SH2D4A: variants seen among roughly 807,000 people sequenced by gnomAD.
The protein encoded by SH2D4A is SH2 domain containing 4A.
In SH2D4A, 70 loss-of-function variants were observed where a neutral mutation model predicts 64.7. That is an observed-to-expected ratio of 1.08 (90% CI 0.89 to 1.32). SH2D4A has a LOEUF of 1.32. SH2D4A is among the 40% of genes most tolerant of loss of function. SH2D4A has a pLI of 0.00. For missense variants in SH2D4A, 706 were observed against 540.1 expected, an observed-to-expected ratio of 1.31 and a Z score of -3.04; for synonymous variants, 268 against 200.7, an observed-to-expected ratio of 1.34 and a Z score of -2.83.
At chr8:19,353,246 C>A (rs1335210321) in intron 4 of SH2D4A, among the ~76,000 whole-genome samples, 1 of 151,982 alleles carries the variant, frequency 6.6e-6, no homozygotes, top group Non-Finnish European at 1.5e-5. Flanking sequence ...GACATGGTAC[C>A]CTCTTTGAAA....
At chr8:19,357,456 G>A (rs1043043016) in intron 5 of SH2D4A, among the ~76,000 whole-genome samples, 173 bp downstream of exon 5, 3 of 152,150 alleles carry the variant, frequency 2.0e-5, no homozygotes, top group Admixed American at 6.5e-5. Context: ...TCTGGAGTTC[G>A]GGAAGTGTTG....
chr8:19,336,339 T>C (rs758059955), intron 4 of SH2D4A, among the ~76,000 whole-genome samples: 14 of 152,226 alleles, frequency 9.2e-5, no homozygotes, highest in Non-Finnish European at 1.8e-4. Context: ...GCTACAAATA[T>C]GAGGCTCAAA....
At chr8:19,354,552 T>C (rs2052759154) in intron 4 of SH2D4A, among the ~76,000 whole-genome samples, 1 of 152,138 alleles carries the variant, frequency 6.6e-6, no homozygotes, top group Admixed American at 6.5e-5. Context: ...ATCTGACACA[T>C]GCAAAGGCAG....
chr8:19,334,884 C>A, intron 4 of SH2D4A, 27 bp downstream of exon 4: 1 of 1,565,572 alleles, frequency 6.4e-7, no homozygotes, highest in Admixed American at 2.0e-5. Flanking sequence ...TGTAGACGTG[C>A]GGAATTTCAT....
intron 7 of SH2D4A, among the ~76,000 whole-genome samples, chr8:19,367,161 A>T (rs1054062653): frequency 1.3e-5 from 2 of 152,176 alleles, no homozygotes; most frequent in Admixed American, 6.5e-5. Flanking sequence ...ATTGTTGGAC[A>T]ACTAGGTTGA....
intron 7 of SH2D4A, among the ~76,000 whole-genome samples, chr8:19,364,595 C>T (rs1441228844): frequency 6.6e-6 from 1 of 151,984 alleles, no homozygotes; most frequent in Non-Finnish European, 1.5e-5. Flanking sequence ...GCCCCCCTCC[C>T]CCCCAGAGGC....
At chr8:19,359,740 CT>C (rs2052849693) in intron 5 of SH2D4A, among the ~76,000 whole-genome samples, 1 of 145,120 alleles carries the variant, frequency 6.9e-6, no homozygotes, top group African/African-American at 2.9e-5. Context: ...TTAGTTACAT[CT>C]GCAGTGAAGC....
chr8:19,344,290 C>A (rs534075298), intron 4 of SH2D4A, among the ~76,000 whole-genome samples: 82 of 152,222 alleles, frequency 5.4e-4, no homozygotes, highest in Admixed American at 1.5e-3. Flanking sequence ...GAAGAATCCG[C>A]TTACAGGTAT....
intron 8 of SH2D4A, among the ~76,000 whole-genome samples, chr8:19,387,831 G>T (rs12335343): frequency 0.15 from 23,371 of 152,160 alleles, 2,141 homozygotes; most frequent in African/African-American, 0.25. Flanking sequence ...TAATTTGTTG[G>T]TAATATTTGT....
chr8:19,367,084 A>T (rs950298316), intron 7 of SH2D4A, among the ~76,000 whole-genome samples: 2 of 150,038 alleles, frequency 1.3e-5, no homozygotes, highest in African/African-American at 2.5e-5. Flanking sequence ...AAATGACAGG[A>T]TATTATACTT....
chr8:19,389,745 T>C (rs897778970), intron 8 of SH2D4A, among the ~76,000 whole-genome samples: 5 of 152,018 alleles, frequency 3.3e-5, no homozygotes, highest in South Asian at 2.1e-4. Flanking sequence ...CGAAACCCCA[T>C]CTCTATGAAA....
Position 19,357,222 on chromosome 8 carries a change from G to C in SH2D4A, c.533G>C (p.Arg178Thr), listed in dbSNP as rs749642107. ...EKIRSLSSSSRNIQQMLADSI... is the reference protein window; with the variant it reads ...EKIRSLSSSSTNIQQMLADSI... ...TTTTAGTCACTCTCCAGTTCTTCAAGAAATATTCAACAAATGTTGGCAGAT... is the reference window on the plus strand; with the variant it reads ...TTTTAGTCACTCTCCAGTTCTTCAACAAATATTCAACAAATGTTGGCAGAT... The change falls in exon 5 of 10, where the codon AGA becomes ACA. Residue 178 changes from arginine to threonine, a missense_variant. Arg to Thr is a moderately conservative substitution (Grantham distance 71). Coordinates refer to ENST00000265807, the MANE Select transcript of SH2D4A (RefSeq NM_022071.4). 3 of 1,613,892 alleles carry C rather than the reference G, an allele frequency of 1.9e-6. No individual in the cohort carries two copies. The highest frequency in any genetic ancestry group is 1.7e-6 in the Non-Finnish European group (2 of 1,179,764).
chr8:19,313,821 C>A lies in SH2D4A; in HGVS notation c.-207C>A. The A allele has an allele frequency of 1.3e-6, 2 of 1,499,414 alleles. No homozygotes were observed. Among genetic ancestry groups the A allele is most frequent in the South Asian group, 2.5e-5 (2 of 81,030 alleles). 92.9% of individuals were successfully genotyped at this position (1,499,414 alleles called of 1,614,324 possible). A position where few individuals can be genotyped will look rare whatever the true frequency, so the allele number is the denominator to read the frequency against. ...CCACCCTGCCCAGGGGCGCCCAGCA[C>A]TGGTAGGTGCTGGGGGTGGGGCGAG... On this transcript the variant is annotated splice_region_variant and 5_prime_UTR_variant, in exon 1 of 10. It adds an upstream start codon to the 5' untranslated region. Coordinates refer to ENST00000265807, the MANE Select transcript of SH2D4A (RefSeq NM_022071.4).
intron 4 of SH2D4A, among the ~76,000 whole-genome samples, chr8:19,335,784 T>C (rs569447269): frequency 5.3e-5 from 8 of 152,204 alleles, no homozygotes; most frequent in Non-Finnish European, 1.0e-4. Flanking sequence ...TACTCAGAAT[T>C]GGTATGAATT....
At chr8:19,316,122 G>A (rs2052083186) in intron 1 of SH2D4A, among the ~76,000 whole-genome samples, 1 of 152,068 alleles carries the variant, frequency 6.6e-6, no homozygotes, top group Non-Finnish European at 1.5e-5. Context: ...GGGTGAGGGG[G>A]ACAGGTGATT....
intron 4 of SH2D4A, among the ~76,000 whole-genome samples, chr8:19,336,593 G>A (rs2052449973): frequency 6.6e-6 from 1 of 152,146 alleles, no homozygotes; most frequent in South Asian, 2.1e-4. Context: ...GCTCACACTT[G>A]TAATCTCAGT....
chr8:19,327,125 T>C (rs2052293399), intron 2 of SH2D4A, among the ~76,000 whole-genome samples: 1 of 152,198 alleles, frequency 6.6e-6, no homozygotes, highest in Non-Finnish European at 1.5e-5. Context: ...TGGATGTATC[T>C]CTACTTGGCA....
At chr8:19,344,927 G>A (rs953108129) in intron 4 of SH2D4A, among the ~76,000 whole-genome samples, 9 of 152,150 alleles carry the variant, frequency 5.9e-5, no homozygotes, top group African/African-American at 1.9e-4. Context: ...CTCCCTGATA[G>A]GAGTTACATA....
intron 2 of SH2D4A, among the ~76,000 whole-genome samples, chr8:19,322,612 CTTTTTTTTT>C (rs33946166): frequency 1.6e-5 from 2 of 126,796 alleles, no homozygotes; most frequent in Non-Finnish European, 3.2e-5. Context: ...GTCTATTATT[CTTTTTTTTT>C]TTTTTTTTTT....
Sources: gnomAD v4.1 joint callset for allele counts (sites outside exome capture counted in the v4.1 genomes callset) on GRCh38, gnomAD v4.1.1 for gene constraint, MANE v1.5 for transcripts, NCBI Gene and HGNC (gene_info 2026-07-23, HGNC 2026-07-21) for gene names.